MCF2: variants seen among roughly 807,000 people sequenced by gnomAD.
MCF2 encodes the protein proto-oncogene DBL.
MCF2 carries 44 observed loss-of-function variants against 82.5 expected under a neutral mutation model. The ratio of observed to expected loss-of-function variants is 0.53; its 90% CI spans 0.42 to 0.69. MCF2 has a LOEUF of 0.69. Ranked by LOEUF, MCF2 falls within the 30% of genes least tolerant of loss-of-function variation. The probability of loss-of-function intolerance (pLI) is 0.00; values close to 1 mark genes in which losing one functional copy is unlikely to be tolerated. For missense variants in MCF2, 623 were observed against 663.1 expected (o/e 0.94, Z 0.66); for synonymous variants, 217 against 224.9 (o/e 0.96, Z 0.32).
intron 1 of MCF2, among the ~76,000 whole-genome samples, chrX:139,688,848 A>G (rs779379102): frequency 7.2e-5 from 8 of 111,608 alleles, no homozygotes; most frequent in Non-Finnish European, 1.5e-4. Context: ...ATGTTTAATG[A>G]ACCCTATAGA....
intron 1 of MCF2, among the ~76,000 whole-genome samples, chrX:139,663,969 G>T (rs1017446817): frequency 2.5e-4 from 28 of 110,063 alleles, no homozygotes; most frequent in Non-Finnish European, 2.3e-4. Context: ...TTTACTGTTT[G>T]TTTTTTGGGG....
rs770871381 is a variant in MCF2 at position 139,691,888 on chromosome X, GGGA to G, written c.-45+16215_-45+16217del. 1,244 of 1,141,994 alleles carry G rather than the reference GGGA, an allele frequency of 1.1e-3. 1 individual carries two copies. The highest frequency in any genetic ancestry group is 1.4e-3 in the Non-Finnish European group (1,165 of 852,858). The allele number at this position is 1,141,994 out of a possible 1,213,427, so 94.1% of individuals were successfully genotyped here. A position where few individuals can be genotyped will look rare whatever the true frequency, so the allele number is the denominator to read the frequency against. On this transcript the variant is annotated intron_variant, in intron 1 of 27. Coordinates refer to the MCF2 transcript ENST00000414978. Reference sequence around the variant, plus strand: ...AGGGCAAGCCAGCCCGAGGCCGCCGGGGAGGAGATGAGAGGAGGGGACTTACCT... The same window carrying G: ...AGGGCAAGCCAGCCCGAGGCCGCCGGGGAGATGAGAGGAGGGGACTTACCT...
intron 1 of MCF2, among the ~76,000 whole-genome samples, chrX:139,669,872 A>G (rs1470094521): frequency 2.7e-5 from 3 of 112,116 alleles, no homozygotes; most frequent in African/African-American, 6.5e-5. Flanking sequence ...AAAATAGATT[A>G]GAGATTGCCT....
In MCF2 at chrX:139,616,229, A is replaced by C. The variant is rs1931878103; in HGVS notation, c.1191+53T>G. Reference sequence around the variant, plus strand: ...TAGTAAAACTCCTCCTACCCACAGTACTGCAATTATAATTTTCTTTAAATA... The same window carrying C: ...TAGTAAAACTCCTCCTACCCACAGTCCTGCAATTATAATTTTCTTTAAATA... On this transcript the variant is annotated intron_variant, in intron 9 of 24. Transcript: ENST00000370576. 5 of 762,050 alleles carry C rather than the reference A, an allele frequency of 6.6e-6. No homozygotes were observed. The South Asian group carries it at 2.7e-4, about 41-fold the overall frequency. 62.8% of individuals were successfully genotyped at this position (762,050 alleles called of 1,213,427 possible).
upstream of MCF2, among the ~76,000 whole-genome samples, chrX:139,644,945 C>G (rs1260079410): frequency 9.0e-6 from 1 of 110,965 alleles, no homozygotes; most frequent in Non-Finnish European, 1.9e-5. Context: ...TTTGTGATAC[C>G]CTTGTGAGCC....
intron 24 of MCF2, among the ~76,000 whole-genome samples, chrX:139,582,784 A>T (rs1370775278): frequency 8.9e-6 from 1 of 111,852 alleles, no homozygotes; most frequent in Non-Finnish European, 1.9e-5. Flanking sequence ...AGAAAAAAAA[A>T]TGCCTACTTA....
chrX:139,657,470 T>A (rs1934230884), intron 1 of MCF2, among the ~76,000 whole-genome samples: 1 of 112,447 alleles, frequency 8.9e-6, no homozygotes, highest in Non-Finnish European at 1.9e-5. Flanking sequence ...ATCATCTCAA[T>A]ACAGCATGTG....
chrX:139,584,484 A>G (rs1011628011), intron 24 of MCF2, among the ~76,000 whole-genome samples: 4 of 111,189 alleles, frequency 3.6e-5, no homozygotes, highest in African/African-American at 1.3e-4. Context: ...CTCCTCTTTA[A>G]TAGCCCACTG....
chrX:139,669,516 C>G (rs1429461780), intron 1 of MCF2, among the ~76,000 whole-genome samples: 4 of 112,228 alleles, frequency 3.6e-5, no homozygotes, highest in Non-Finnish European at 7.5e-5. Flanking sequence ...CATAGATTTA[C>G]CACATGTCCC....
intron 1 of MCF2, among the ~76,000 whole-genome samples, chrX:139,657,441 G>T (rs939202128): frequency 8.9e-6 from 1 of 112,218 alleles, no homozygotes; most frequent in Non-Finnish European, 1.9e-5. Flanking sequence ...TGTGTCACTT[G>T]TAAAAATGCA....
At chrX:139,658,795 C>T (rs1433032261) in intron 1 of MCF2, among the ~76,000 whole-genome samples, 1 of 106,826 alleles carries the variant, frequency 9.4e-6, no homozygotes, top group Non-Finnish European at 1.9e-5. Flanking sequence ...CCAACCTCAG[C>T]CTCCCAAGTA....
At chrX:139,691,624 A>G (rs1263081346) in intron 1 of MCF2, among the ~76,000 whole-genome samples, 1 of 109,797 alleles carries the variant, frequency 9.1e-6, no homozygotes, top group African/African-American at 3.3e-5. Context: ...CTGCGAGCTG[A>G]GACCAGAGCT....
intron 1 of MCF2, among the ~76,000 whole-genome samples, chrX:139,672,112 G>A (rs755725788): frequency 1.4e-4 from 16 of 111,875 alleles, no homozygotes; most frequent in African/African-American, 5.2e-4. Context: ...TTGGCTCTCT[G>A]TTTGTTTGTT....
intron 1 of MCF2, among the ~76,000 whole-genome samples, chrX:139,677,609 C>A (rs911246826): frequency 2.7e-5 from 3 of 111,622 alleles, no homozygotes; most frequent in Non-Finnish European, 5.6e-5. Flanking sequence ...TCACAAAGGA[C>A]CCCAGAGCCA....
intron 1 of MCF2, among the ~76,000 whole-genome samples, chrX:139,700,454 C>T (rs1935468114): frequency 8.9e-6 from 1 of 111,936 alleles, no homozygotes; most frequent in African/African-American, 3.3e-5. Flanking sequence ...AACGATATCT[C>T]CATTTTAATA....
chrX:139,672,462 A>G (rs1038501945), intron 1 of MCF2, among the ~76,000 whole-genome samples: 1 of 112,440 alleles, frequency 8.9e-6, no homozygotes, highest in African/African-American at 3.2e-5. Context: ...TATCAAAAAT[A>G]GCTCTTATTA....
intron 2 of MCF2, 57 bp downstream of exon 5, chrX:139,632,278 T>G (rs1012567968): frequency 1.0e-6 from 1 of 965,226 alleles, no homozygotes; most frequent in African/African-American, 2.0e-5. Flanking sequence ...ATAAACAGCA[T>G]GGTACAGGTC....
At chrX:139,606,191 CAT>C (rs1930997594) in intron 12 of MCF2, among the ~76,000 whole-genome samples, 1 of 108,696 alleles carries the variant, frequency 9.2e-6, no homozygotes, top group African/African-American at 3.3e-5. Context: ...TTGGGGGTAG[CAT>C]AGTTTATGAA....
upstream of MCF2, among the ~76,000 whole-genome samples, chrX:139,644,805 G>A (rs919009054): frequency 1.8e-5 from 2 of 111,958 alleles, no homozygotes; most frequent in African/African-American, 6.5e-5. Flanking sequence ...TTGATTCCCA[G>A]CTATTCTAGT....
Sources: allele counts gnomAD v4.1 joint callset (sites outside exome capture counted in the v4.1 genomes callset), GRCh38; gene constraint gnomAD v4.1.1; transcripts MANE v1.5; gene names NCBI Gene and HGNC (gene_info 2026-07-23, HGNC 2026-07-21).